AGBL4: variants seen among roughly 807,000 people sequenced by gnomAD.
AGBL4 encodes the protein AGBL carboxypeptidase 4.
AGBL4 carries 58 observed loss-of-function variants against 66.4 expected under a neutral mutation model. The observed-to-expected ratio is 0.87, with a 90% CI of 0.71 to 1.09. The LOEUF is 1.09. AGBL4 is among the 50% of genes least tolerant of loss of function. The probability of loss-of-function intolerance (pLI) is 0.00; values close to 1 mark genes in which losing one functional copy is unlikely to be tolerated. For synonymous variants in AGBL4, 234 were observed against 222.9 expected (o/e 1.05, Z -0.44); for missense variants, 579 against 631.0 (o/e 0.92, Z 0.88).
intron 3 of AGBL4, among the ~76,000 whole-genome samples, chr1:49,409,163 T>C (rs574262298): frequency 1.3e-5 from 2 of 152,110 alleles, no homozygotes; most frequent in Non-Finnish European, 2.9e-5. Flanking sequence ...TCTCTCTCTC[T>C]CTCTCTCTCA....
chr1:48,707,520 G>T (rs541406915), intron 6 of AGBL4, among the ~76,000 whole-genome samples: 1 of 152,278 alleles, frequency 6.6e-6, no homozygotes, highest in Admixed American at 6.5e-5. Flanking sequence ...TTTCCAGAAA[G>T]AATTTCTGGG....
intron 3 of AGBL4, among the ~76,000 whole-genome samples, chr1:49,295,955 C>A (rs918568008): frequency 4.6e-5 from 7 of 152,100 alleles, no homozygotes; most frequent in Non-Finnish European, 1.0e-4. Context: ...CAAACATCAC[C>A]CACTGATGAC....
chr1:49,892,392 T>C (rs1166105327), intron 1 of AGBL4, among the ~76,000 whole-genome samples: 1 of 152,214 alleles, frequency 6.6e-6, no homozygotes, highest in Non-Finnish European at 1.5e-5. Context: ...TTAAACAGTA[T>C]GGTAAAGTAG....
At chr1:48,570,384 G>C (rs1243875094) in intron 11 of AGBL4, among the ~76,000 whole-genome samples, 2 of 152,184 alleles carry the variant, frequency 1.3e-5, no homozygotes, top group Non-Finnish European at 2.9e-5. Context: ...GGGGCTGGAG[G>C]GCTGTGAGAG....
chr1:48,961,980 G>C (rs1002173808), intron 5 of AGBL4, among the ~76,000 whole-genome samples: 1 of 152,188 alleles, frequency 6.6e-6, no homozygotes, highest in African/African-American at 2.4e-5. Flanking sequence ...TTCAATGGAT[G>C]AGAAGGGAGG....
chr1:49,480,607 T>C (rs370206598), intron 3 of AGBL4, among the ~76,000 whole-genome samples: 2 of 152,224 alleles, frequency 1.3e-5, no homozygotes, highest in South Asian at 2.1e-4. Flanking sequence ...CTTCTGTTGA[T>C]AGTTTATTTT....
At chr1:49,036,123 GA>G (rs994422115) in intron 5 of AGBL4, among the ~76,000 whole-genome samples, 27 of 144,194 alleles carry the variant, frequency 1.9e-4, no homozygotes, top group African/African-American at 4.3e-4. Flanking sequence ...AAAAAACATT[GA>G]AAAAAAAACA....
chr1:49,134,136 C>A (rs904735935), intron 4 of AGBL4, among the ~76,000 whole-genome samples: 2 of 151,914 alleles, frequency 1.3e-5, no homozygotes, highest in Non-Finnish European at 2.9e-5. Flanking sequence ...TTTTTATTAG[C>A]AATTTTCAAA....
intron 3 of AGBL4, among the ~76,000 whole-genome samples, chr1:49,523,738 A>T (rs1318657219): frequency 6.6e-6 from 1 of 152,120 alleles, no homozygotes; most frequent in East Asian, 1.9e-4. Context: ...TAAATCAATT[A>T]GATAGTTATC....
chr1:49,019,976 T>C lies in AGBL4; in HGVS notation c.594+25608A>G, dbSNP rs561802413. ...CTTAGCTAGTGCCATATGTGGCACA[T>C]ATACACATTCAGTAAATGTTAGCTT... On this transcript the variant is annotated intron_variant, in intron 5 of 13. Transcript: ENST00000371839. Among the ~76,000 whole-genome samples the C allele has an allele frequency of 2.6e-5, 4 of 152,340 alleles. No homozygotes were observed. In the South Asian group the frequency reaches 8.3e-4, roughly 32 times the overall value.
intron 3 of AGBL4, among the ~76,000 whole-genome samples, chr1:49,398,864 A>C (rs1645026758): frequency 6.6e-6 from 1 of 152,106 alleles, no homozygotes; most frequent in Admixed American, 6.5e-5. Context: ...GTACTCTTTT[A>C]GTTATTTTTA....
chr1:49,281,554 T>C (rs1018140631), intron 3 of AGBL4, among the ~76,000 whole-genome samples: 1 of 152,198 alleles, frequency 6.6e-6, no homozygotes, highest in South Asian at 2.1e-4. Context: ...ATGTCAAAAA[T>C]AGAGTCAGAC....
chr1:48,655,179 C>T (rs967301237), intron 7 of AGBL4, among the ~76,000 whole-genome samples: 8 of 152,202 alleles, frequency 5.3e-5, no homozygotes, highest in African/African-American at 1.2e-4. Context: ...GCTGCAGCTG[C>T]CCAGAGCTCC....
intron 2 of AGBL4, among the ~76,000 whole-genome samples, chr1:49,823,061 G>C (rs979054302): frequency 4.6e-5 from 7 of 152,302 alleles, no homozygotes; most frequent in African/African-American, 1.7e-4. Context: ...TCACTGAAAT[G>C]GAAGATGGAA....
Position 49,314,948 on chromosome 1 carries a change from T to C in AGBL4, c.283-69084A>G, listed in dbSNP as rs956640515. Among the ~76,000 whole-genome samples, 6 of 152,124 alleles carry C rather than the reference T, an allele frequency of 3.9e-5. 1 individual carries two copies. Among genetic ancestry groups the C allele is most frequent in the Non-Finnish European group, 8.8e-5 (6 of 68,000 alleles). ...CTAACTGCTGTGAGATGGTATCTCATTGTGGTTTTGATTGGCATTTTTCTA... is the reference window on the plus strand; with the variant it reads ...CTAACTGCTGTGAGATGGTATCTCACTGTGGTTTTGATTGGCATTTTTCTA... On this transcript the variant is annotated intron_variant, in intron 3 of 13. Transcript: ENST00000371839.
chr1:49,033,645 A>T (rs1305120207), intron 5 of AGBL4, among the ~76,000 whole-genome samples: 1 of 152,026 alleles, frequency 6.6e-6, no homozygotes, highest in Non-Finnish European at 1.5e-5. Flanking sequence ...CACAAGAGTC[A>T]CACAAGGACT....
intron 5 of AGBL4, among the ~76,000 whole-genome samples, chr1:48,973,156 C>T (rs1374033124): frequency 6.6e-6 from 1 of 152,116 alleles, no homozygotes; most frequent in Non-Finnish European, 1.5e-5. Context: ...ATAAATTTCA[C>T]TAAGTGAAAT....
intron 6 of AGBL4, chr1:48,761,569 G>A: frequency 7.9e-7 from 1 of 1,263,720 alleles, no homozygotes; most frequent in East Asian, 2.5e-5. Context: ...AATAATTGAG[G>A]CCAGACCAGT....
intron 3 of AGBL4, among the ~76,000 whole-genome samples, chr1:49,249,120 GA>G (rs1651857628): frequency 6.6e-6 from 1 of 152,176 alleles, no homozygotes; most frequent in Admixed American, 6.5e-5. Context: ...CAGTCCTAAA[GA>G]GTGGCCTTGA....
Sources: gnomAD v4.1 joint callset for allele counts (sites outside exome capture counted in the v4.1 genomes callset) on GRCh38, gnomAD v4.1.1 for gene constraint, MANE v1.5 for transcripts, NCBI Gene and HGNC (gene_info 2026-07-23, HGNC 2026-07-21) for gene names.